MN1: variants seen among roughly 807,000 people sequenced by gnomAD.
MN1 encodes MN1 proto-oncogene, transcriptional regulator.
MN1 carries 19 observed loss-of-function variants against 86.9 expected under a neutral mutation model. The ratio of observed to expected loss-of-function variants is 0.22; its 90% CI spans 0.15 to 0.32. The LOEUF (loss-of-function observed/expected upper bound fraction) is 0.32, where lower values mean the gene tolerates loss of function less well. Among genes scored for constraint, MN1 ranks in the 10% least tolerant of loss-of-function variants. The pLI, the probability that MN1 is intolerant of heterozygous loss-of-function variation, is 1.00. For synonymous variants in MN1, 928 were observed against 849.6 expected (o/e 1.09, Z -1.60); for missense variants, 1,841 against 1,862.0 (o/e 0.99, Z 0.21).
Position 27,750,637 on chromosome 22 carries a change from G to C in MN1, c.*278C>G, listed in dbSNP as rs890816562. ...GAGTATCTAGAGGAAAAAGGCTTAA[G>C]CAAAAGTTTGCTAACTGCAGAAGGG... On this transcript the variant is annotated 3_prime_UTR_variant, in exon 2 of 2. Transcript: ENST00000302326. The C allele has an allele frequency of 6.4e-6, 2 of 311,258 alleles. No homozygotes were observed. The highest frequency in any genetic ancestry group is 2.1e-5 in the African/African-American group (1 of 47,252). 19.3% of individuals were successfully genotyped at this position (311,258 alleles called of 1,614,324 possible). A position where few individuals can be genotyped will look rare whatever the true frequency, so the allele number is the denominator to read the frequency against.
At chr22:27,796,513 A>G (rs1162057679) in intron 1 of MN1, among the ~76,000 whole-genome samples, 1 of 144,410 alleles carries the variant, frequency 6.9e-6, no homozygotes, top group Admixed American at 7.0e-5. Context: ...GCTGCCATCT[A>G]AGTTTTTGCC....
At position 27,792,351 on chromosome 22, in the gene MN1, T is replaced by TATATATATAA. The variant is rs1350212376; in HGVS notation, c.3781+4411_3781+4412insTTATATATAT. ...ATATATATATATATATATATATATA[T>TATATATATAA]GAATATATAAATATATTTTGCATAT... On this transcript the variant is annotated intron_variant, in intron 1 of 1. Transcript: ENST00000302326. Among the ~76,000 whole-genome samples the TATATATATAA allele has an allele frequency of 9.8e-4, 107 of 109,154 alleles. 2 individuals are homozygous for TATATATATAA. The highest frequency in any genetic ancestry group is 1.5e-3 in the Non-Finnish European group (73 of 47,640). The allele number at this position is 109,154 out of a possible 152,430, so 71.6% of individuals were successfully genotyped here. A position where few individuals can be genotyped will look rare whatever the true frequency, so the allele number is the denominator to read the frequency against.
intron 1 of MN1, among the ~76,000 whole-genome samples, chr22:27,771,219 CTTTT>C (rs11330963): frequency 0.16 from 14,141 of 86,178 alleles, 973 homozygotes; most frequent in African/African-American, 0.23. Flanking sequence ...TTTTCCCTAA[CTTTT>C]TTTTTTTTTT....
intron 1 of MN1, among the ~76,000 whole-genome samples, chr22:27,777,232 A>G (rs1376393824): frequency 6.6e-6 from 1 of 152,206 alleles, no homozygotes; most frequent in Non-Finnish European, 1.5e-5. Flanking sequence ...AGAGAGACGC[A>G]AGCAAGAAGA....
chr22:27,784,091 G>A (rs567637225), intron 1 of MN1, among the ~76,000 whole-genome samples: 26 of 152,300 alleles, frequency 1.7e-4, no homozygotes, highest in Middle Eastern at 3.4e-3. Context: ...GAGGGTACTC[G>A]GGAGCTGGAA....
chr22:27,779,108 G>A (rs1933017969), intron 1 of MN1, among the ~76,000 whole-genome samples: 4 of 152,244 alleles, frequency 2.6e-5, no homozygotes, highest in Admixed American at 2.6e-4. Context: ...CTACACCTCA[G>A]GGGCCAAAGG....
chr22:27,796,731 G>T (rs199550060), intron 1 of MN1, 32 bp downstream of exon 1: 271 of 1,549,720 alleles, frequency 1.7e-4, no homozygotes, highest in Middle Eastern at 7.0e-4. Context: ...CGGGTCACCC[G>T]GGAAGTGAGA....
At chr22:27,759,692 A>AT (rs1932822262) in intron 1 of MN1, among the ~76,000 whole-genome samples, 1 of 152,184 alleles carries the variant, frequency 6.6e-6, no homozygotes, top group Non-Finnish European at 1.5e-5. Context: ...AGACATGCCC[A>AT]TGTGGCTCCC....
Position 27,799,077 on chromosome 22 carries a change from G to T in MN1, c.1467C>A (p.Ser489=), listed in dbSNP as rs773956261. 6.2e-7 allele frequency: 1 copy of T among 1,608,814 alleles called. No homozygotes were observed. The highest frequency in any genetic ancestry group is 8.5e-7 in the Non-Finnish European group (1 of 1,176,686). ...NGALDNHLSP[S]AYPGLPGEFT... ...ACTCGCCGGGTAGGCCTGGGTAGGC[G>T]GAAGGGGAGAGGTGATTATCCAGAG... The change falls in exon 1 of 2, where the codon TCC becomes TCA. Residue 489 remains serine, a synonymous_variant. Coordinates refer to ENST00000302326, the MANE Select transcript of MN1 (RefSeq NM_002430.3).
In MN1 at chr22:27,793,710, G is replaced by A. The variant is rs955459371; in HGVS notation, c.3781+3053C>T. Among the ~76,000 whole-genome samples the A allele has an allele frequency of 9.2e-5, 14 of 151,742 alleles. No individual in the cohort carries two copies. In the South Asian group the frequency reaches 1.9e-3, roughly 20 times the overall value. ...ATGTTGGCCTAGACTTTGCGAGAAC[G>A]ACAACTTGCCAGTCAAGTTCCCTCC... is the stretch of plus-strand genomic sequence containing the variant. On this transcript the variant is annotated intron_variant, in intron 1 of 1. Coordinates refer to ENST00000302326, the MANE Select transcript of MN1 (RefSeq NM_002430.3).
chr22:27,791,625 C>A (rs931672758), intron 1 of MN1: 1 of 151,876 alleles, frequency 6.6e-6, no homozygotes, highest in Non-Finnish European at 1.5e-5. Flanking sequence ...TTTTATGTTG[C>A]GGTGTGCTTG....
chr22:27,763,170 C>T (rs952902315), intron 1 of MN1, among the ~76,000 whole-genome samples: 39 of 152,170 alleles, frequency 2.6e-4, no homozygotes, highest in African/African-American at 8.9e-4. Context: ...TTGCTTCCAG[C>T]CCATTGGAGG....
intron 1 of MN1, among the ~76,000 whole-genome samples, chr22:27,782,980 G>T (rs933544309): frequency 6.6e-6 from 1 of 152,086 alleles, no homozygotes; most frequent in African/African-American, 2.4e-5. Flanking sequence ...AAACGCCAGG[G>T]CTGAAACCCA....
Position 27,799,412 on chromosome 22 carries a change from G to A in MN1, c.1132C>T (p.Leu378Phe). 6.7e-7 allele frequency: 1 copy of A among 1,491,074 alleles called. No homozygotes were observed. The highest frequency in any genetic ancestry group is 2.5e-5 in the Admixed American group (1 of 40,124). The allele number at this position is 1,491,074 out of a possible 1,614,324, so 92.4% of individuals were successfully genotyped here. The part of the protein sequence containing the change: ...LVRQNSCPPA[L>F]PRPQQGEAGT... ...GCCTCGCCCTGCTGGGGCCGAGGGA[G>A]CGCAGGCGGGCACGAATTTTGTCGG... The change falls in exon 1 of 2, where the codon CTC becomes TTC. Residue 378 changes from leucine to phenylalanine, a missense_variant. By Grantham distance (22) the Leu-to-Phe change is conservative. Transcript: ENST00000302326.
chr22:27,789,614 T>C (rs1372831780), intron 1 of MN1, among the ~76,000 whole-genome samples: 1 of 152,216 alleles, frequency 6.6e-6, no homozygotes, highest in Admixed American at 6.5e-5. Flanking sequence ...TGGGGATGTT[T>C]ATTGGGGAAT....
At chr22:27,783,646 G>A (rs1933083356) in intron 1 of MN1, among the ~76,000 whole-genome samples, 1 of 152,156 alleles carries the variant, frequency 6.6e-6, no homozygotes, top group African/African-American at 2.4e-5. Flanking sequence ...CCCTCTCTGG[G>A]CTTTCGTTAT....
chr22:27,759,206 A>G (rs1026916241), intron 1 of MN1, among the ~76,000 whole-genome samples: 1 of 151,982 alleles, frequency 6.6e-6, no homozygotes, highest in African/African-American at 2.4e-5. Flanking sequence ...ACCCCTGTGG[A>G]GTTGGCCCCC....
chr22:27,759,065 C>A (rs936349915), intron 1 of MN1, among the ~76,000 whole-genome samples: 5 of 152,152 alleles, frequency 3.3e-5, no homozygotes, highest in Admixed American at 2.6e-4. Context: ...TGAGCTCAAG[C>A]AATCCACCTG....
chr22:27,749,678 A>AC lies in MN1; in HGVS notation c.*1236_*1237insG, dbSNP rs1483047468. The AC allele has an allele frequency of 1.3e-4, 31 of 231,750 alleles. No homozygotes were observed. The highest frequency in any genetic ancestry group is 7.2e-4 in the South Asian group (4 of 5,522). 14.4% of individuals were successfully genotyped at this position (231,750 alleles called of 1,614,324 possible). Reference sequence around the variant, plus strand: ...AGAGGAATTCCAGAGTTCAAAACTAAAAGGCGCAGGAATCAAAGTCATTTC... The same window carrying AC: ...AGAGGAATTCCAGAGTTCAAAACTAACAAGGCGCAGGAATCAAAGTCATTTC... On this transcript the variant is annotated 3_prime_UTR_variant, in exon 2 of 2. Coordinates refer to ENST00000302326, the MANE Select transcript of MN1 (RefSeq NM_002430.3).
Sources: gnomAD v4.1 joint callset for allele counts (sites outside exome capture counted in the v4.1 genomes callset) on GRCh38, gnomAD v4.1.1 for gene constraint, MANE v1.5 for transcripts, NCBI Gene and HGNC (gene_info 2026-07-23, HGNC 2026-07-21) for gene names.